The following MYO1D variants were observed in gnomAD, a reference collection of about 807,000 sequenced individuals.
MYO1D encodes myosin ID, also known as unconventional myosin-Id.
In MYO1D, 83 loss-of-function variants were observed where a neutral mutation model predicts 122.0. That is an observed-to-expected ratio of 0.68 (90% CI 0.57 to 0.82). The LOEUF (loss-of-function observed/expected upper bound fraction) is 0.82. Among genes scored for constraint, MYO1D ranks in the 40% least tolerant of loss-of-function variants. The pLI, the probability that MYO1D is intolerant of heterozygous loss-of-function variation, is 0.00. For missense variants in MYO1D, 1,157 were observed against 1,269.5 expected (o/e 0.91, Z 1.35); for synonymous variants, 464 against 446.9 (o/e 1.04, Z -0.48).
chr17:32,624,812 CAG>C lies in MYO1D; in HGVS notation c.2709+13908_2709+13909del, dbSNP rs529254645. On this transcript the variant is annotated intron_variant, in intron 20 of 21. Coordinates refer to ENST00000318217, the MANE Select transcript of MYO1D (RefSeq NM_015194.3). ...TTTTTTTTTTTTTTCTTCTTTGAGA[CAG>C]AGTCTTGCTCTTGTTGCCCAGGCTG... Among the ~76,000 whole-genome samples, 369 of 147,014 alleles carry C rather than the reference CAG, an allele frequency of 2.5e-3. 2 individuals carry two copies. The highest frequency in any genetic ancestry group is 7.5e-3 in the South Asian group (35 of 4,690).
chr17:32,700,636 A>T (rs1434627552), intron 16 of MYO1D, among the ~76,000 whole-genome samples: 1 of 152,234 alleles, frequency 6.6e-6, no homozygotes, highest in African/African-American at 2.4e-5. Context: ...AGATAAAAAA[A>T]TTAACAAATT....
intron 1 of MYO1D, among the ~76,000 whole-genome samples, chr17:32,809,134 TA>T (rs371101816): frequency 0.017 from 2,316 of 134,536 alleles, 55 homozygotes; most frequent in African/African-American, 0.054. Flanking sequence ...TTGTTTTTGA[TA>T]AAAAAAAAAA....
intron 1 of MYO1D, among the ~76,000 whole-genome samples, chr17:32,812,233 C>A (rs1053695408): frequency 5.9e-5 from 9 of 152,172 alleles, no homozygotes; most frequent in South Asian, 2.1e-4. Flanking sequence ...AGAATTGGTA[C>A]AGAAGGGATA....
intron 8 of MYO1D, among the ~76,000 whole-genome samples, chr17:32,764,640 G>A (rs1037384526): frequency 6.6e-5 from 10 of 152,190 alleles, no homozygotes; most frequent in East Asian, 1.9e-4. Flanking sequence ...GAAGCAGCAC[G>A]TGAAGCCCTC....
chr17:32,765,337 C>T (rs758061447), intron 7 of MYO1D, among the ~76,000 whole-genome samples: 3 of 152,042 alleles, frequency 2.0e-5, no homozygotes, highest in Non-Finnish European at 2.9e-5. Flanking sequence ...AATCTTTTGC[C>T]TTAGGGTCTC....
chr17:32,545,795 A>G (rs545774033), intron 21 of MYO1D, among the ~76,000 whole-genome samples: 2 of 151,194 alleles, frequency 1.3e-5, no homozygotes, highest in African/African-American at 2.4e-5. Flanking sequence ...GGGGTTCCAC[A>G]TAAGTGTCAA....
At chr17:32,691,310 C>T (rs1227652071) in intron 16 of MYO1D, among the ~76,000 whole-genome samples, 2 of 150,694 alleles carry the variant, frequency 1.3e-5, no homozygotes, top group South Asian at 2.1e-4. Flanking sequence ...TATGTTTGTA[C>T]TCATAGCCAA....
intron 1 of MYO1D, among the ~76,000 whole-genome samples, chr17:32,812,809 C>T (rs2090583406): frequency 6.6e-6 from 1 of 152,158 alleles, no homozygotes; most frequent in Admixed American, 6.5e-5. Flanking sequence ...AGCACTAAGT[C>T]ACTTACAAAT....
intron 1 of MYO1D, among the ~76,000 whole-genome samples, chr17:32,794,019 T>C (rs2151038198): frequency 6.6e-6 from 1 of 152,346 alleles, no homozygotes; most frequent in East Asian, 1.9e-4. Context: ...TTGAGACCCA[T>C]TGTTCAGCAT....
At chr17:32,800,029 A>T (rs1414374278) in intron 1 of MYO1D, among the ~76,000 whole-genome samples, 1 of 152,204 alleles carries the variant, frequency 6.6e-6, no homozygotes, top group East Asian at 1.9e-4. Flanking sequence ...TATCAAAAAA[A>T]TGAGATAAGA....
chr17:32,655,464 G>C (rs150124020), intron 17 of MYO1D, among the ~76,000 whole-genome samples: 5 of 152,098 alleles, frequency 3.3e-5, no homozygotes, highest in Non-Finnish European at 5.9e-5. Flanking sequence ...GTTTATATAG[G>C]GTGGTTTATA....
At position 32,641,096 on chromosome 17, in the gene MYO1D, C is replaced by T. The variant is rs552253883; in HGVS notation, c.2596-2261G>A. On this transcript the variant is annotated intron_variant, in intron 19 of 21. Coordinates refer to ENST00000318217, the MANE Select transcript of MYO1D (RefSeq NM_015194.3). ...GCTATCCCTCCCCCCTCCCCCCACC[C>T]CACAACAGGCCCCGGTGTGTGATGT... Among the ~76,000 whole-genome samples the T allele has an allele frequency of 8.9e-5, 11 of 123,130 alleles. No homozygotes were observed. The East Asian group carries it at 2.9e-3, about 32-fold the overall frequency. 80.8% of individuals were successfully genotyped at this position (123,130 alleles called of 152,430 possible). A position where few individuals can be genotyped will look rare whatever the true frequency, so the allele number is the denominator to read the frequency against.
intron 16 of MYO1D, among the ~76,000 whole-genome samples, chr17:32,675,547 A>G (rs2088795188): frequency 6.6e-6 from 1 of 152,196 alleles, no homozygotes; most frequent in Admixed American, 6.5e-5. Flanking sequence ...ATAAATGTCA[A>G]CAGGAATATG....
chr17:32,521,058 C>T (rs1268172337), intron 21 of MYO1D, among the ~76,000 whole-genome samples: 1 of 152,198 alleles, frequency 6.6e-6, no homozygotes, highest in African/African-American at 2.4e-5. Flanking sequence ...CCCAAAAGAT[C>T]AGACCTCAGT....
At chr17:32,511,610 T>TG (rs1373122379) in intron 21 of MYO1D, among the ~76,000 whole-genome samples, 1 of 152,066 alleles carries the variant, frequency 6.6e-6, no homozygotes, top group East Asian at 1.9e-4. Flanking sequence ...TTGAACTTTT[T>TG]TTTTTTTTTG....
intron 21 of MYO1D, among the ~76,000 whole-genome samples, chr17:32,602,155 T>C (rs1288936770): frequency 6.6e-6 from 1 of 152,256 alleles, no homozygotes; most frequent in South Asian, 2.1e-4. Flanking sequence ...TTCTTACATC[T>C]TCCTTATCTC....
At chr17:32,569,226 G>A (rs1398189795) in intron 21 of MYO1D, among the ~76,000 whole-genome samples, 1 of 152,190 alleles carries the variant, frequency 6.6e-6, no homozygotes, top group African/African-American at 2.4e-5. Context: ...AGTAATATAT[G>A]AGCAATCTAT....
intron 1 of MYO1D, among the ~76,000 whole-genome samples, chr17:32,781,412 T>C (rs185044312): frequency 1.1e-4 from 16 of 152,314 alleles, no homozygotes; most frequent in African/African-American, 3.6e-4. Flanking sequence ...GAAAACACTC[T>C]TGATACATAA....
At chr17:32,710,743 T>C (rs2089365284) in intron 16 of MYO1D, among the ~76,000 whole-genome samples, 1 of 152,180 alleles carries the variant, frequency 6.6e-6, no homozygotes, top group East Asian at 1.9e-4. Flanking sequence ...AACAAGAAAG[T>C]ACCAGCTCGA....
Sources: allele counts gnomAD v4.1 joint callset (sites outside exome capture counted in the v4.1 genomes callset), GRCh38; gene constraint gnomAD v4.1.1; transcripts MANE v1.5; gene names NCBI Gene and HGNC (gene_info 2026-07-23, HGNC 2026-07-21).